DENND4A: variants seen among roughly 807,000 people sequenced by gnomAD.
The protein encoded by DENND4A is C-myc promoter-binding protein.
Under a neutral mutation model 199.3 loss-of-function variants are expected in DENND4A, and 70 were observed. That is an observed-to-expected ratio of 0.35 (90% CI 0.29 to 0.43). The LOEUF is 0.43. DENND4A is among the 20% of genes least tolerant of loss of function. DENND4A has a pLI of 1.00. For synonymous variants in DENND4A, 686 were observed against 766.9 expected (o/e 0.89, Z 1.74); for missense variants, 1,723 against 2,255.8 (o/e 0.76, Z 4.78).
At position 65,702,290 on chromosome 15, in the gene DENND4A, T is replaced by A; in HGVS notation, c.2430+15A>T. ...TCTCAAAAAAATAAAATAACAACAA[T>A]AAAATAATTGTTACCTCATCAGGTG... On this transcript the variant is annotated intron_variant, in intron 17 of 32. Coordinates refer to ENST00000443035, the MANE Select transcript of DENND4A (RefSeq NM_001320835.1). The A allele has an allele frequency of 6.5e-7, 1 of 1,543,710 alleles. No homozygotes were observed. The highest frequency in any genetic ancestry group is 8.8e-7 in the Non-Finnish European group (1 of 1,140,166).
At position 65,660,335 on chromosome 15, in the gene DENND4A, A is replaced by G. The variant is rs765918943; in HGVS notation, c.*1516T>C. ...GCTATTCACTAATGGTGTGAACTCA[A>G]AAGGTGGGTTTTCTGCAGCTGAACT... On this transcript the variant is annotated 3_prime_UTR_variant, in exon 33 of 33. Coordinates refer to ENST00000443035, the MANE Select transcript of DENND4A (RefSeq NM_001320835.1). The G allele has an allele frequency of 4.1e-5, 63 of 1,531,960 alleles. No individual in the cohort carries two copies. The highest frequency in any genetic ancestry group is 5.5e-5 in the Non-Finnish European group (63 of 1,143,968). The allele number at this position is 1,531,960 out of a possible 1,614,324, so 94.9% of individuals were successfully genotyped here. A position where few individuals can be genotyped will look rare whatever the true frequency, so the allele number is the denominator to read the frequency against.
chr15:65,712,726 TAA>T (rs34804757), intron 14 of DENND4A, among the ~76,000 whole-genome samples: 5 of 149,842 alleles, frequency 3.3e-5, no homozygotes, highest in Admixed American at 2.7e-4. Flanking sequence ...GCTGTTGTGT[TAA>T]AAAAAAAACT....
At chr15:65,773,817 A>G (rs900715843) in intron 1 of DENND4A, among the ~76,000 whole-genome samples, 4 of 152,048 alleles carry the variant, frequency 2.6e-5, no homozygotes, top group Non-Finnish European at 5.9e-5. Flanking sequence ...TTCTCATCTC[A>G]GTCACTTCAC....
rs1596476870 is a variant in DENND4A, at chr15:65,704,017, AT to A, written c.2088-1010del. On this transcript the variant is annotated intron_variant, in intron 15 of 32. Coordinates refer to ENST00000443035, the MANE Select transcript of DENND4A (RefSeq NM_001320835.1). ...ACTATAATAAAAGAGGGTAGACAAT[AT>A]TTTTTACACATTACTATAGTCAAAT... Among the ~76,000 whole-genome samples, 6 of 152,326 alleles carry A rather than the reference AT, an allele frequency of 3.9e-5. 1 individual carries two copies. The highest frequency in any genetic ancestry group is 2.4e-5 in the African/African-American group (1 of 41,574).
At position 65,668,299 on chromosome 15, in the gene DENND4A, C is replaced by T. The variant is rs577073107; in HGVS notation, c.4788-176G>A. 1.4e-3 allele frequency among the ~76,000 whole-genome samples: 207 copies of T among 151,850 alleles called. 1 individual carries two copies. The highest frequency in any genetic ancestry group is 2.2e-3 in the Non-Finnish European group (150 of 67,922). ...TCTCAGCTCACTGCAACTTCTGTCA[C>T]CTAGGCTCAAGCGATCCTCCCACCT... On this transcript the variant is annotated intron_variant, in intron 27 of 32. Coordinates refer to ENST00000443035, the MANE Select transcript of DENND4A (RefSeq NM_001320835.1).
chr15:65,722,665 A>G (rs1416257859), intron 12 of DENND4A, among the ~76,000 whole-genome samples, 183 bp downstream of exon 12: 5 of 152,242 alleles, frequency 3.3e-5, no homozygotes. Context: ...GAAAAAAAAA[A>G]AAATACACAT....
chr15:65,716,502 T>A (rs559755778), intron 13 of DENND4A, among the ~76,000 whole-genome samples: 1 of 150,694 alleles, frequency 6.6e-6, no homozygotes, highest in East Asian at 2.0e-4. Context: ...GGTGTTTGGT[T>A]TTTTGTCCTT....
intron 4 of DENND4A, among the ~76,000 whole-genome samples, chr15:65,747,957 T>C (rs1270797627): frequency 6.9e-6 from 1 of 144,914 alleles, no homozygotes; most frequent in Admixed American, 7.1e-5. Context: ...GGAGAATCAC[T>C]TGAACCCGGG....
chr15:65,733,842 A>C (rs2076031823), intron 7 of DENND4A, among the ~76,000 whole-genome samples: 1 of 152,236 alleles, frequency 6.6e-6, no homozygotes, highest in African/African-American at 2.4e-5. Flanking sequence ...AAATAGATTA[A>C]GGGTTGTGCA....
intron 23 of DENND4A, among the ~76,000 whole-genome samples, chr15:65,681,880 T>C (rs1026928526): frequency 3.3e-5 from 5 of 152,190 alleles, no homozygotes; most frequent in African/African-American, 1.2e-4. Flanking sequence ...TGCTTTTCTA[T>C]TGGAGCTCTT....
rs181001812 is a variant in DENND4A at position 65,733,172 on chromosome 15, G to A, written c.1041-354C>T. 1.7e-3 allele frequency among the ~76,000 whole-genome samples: 261 copies of A among 152,252 alleles called. 1 individual carries two copies. Among genetic ancestry groups the A allele is most frequent in the African/African-American group, 5.9e-3 (244 of 41,550 alleles). ...CAATATGCTTTTTAGTCAATTGCTT[G>A]TCTTATGTACAACAAACACTTAAGG... On this transcript the variant is annotated intron_variant, in intron 7 of 32. Transcript: ENST00000443035.
chr15:65,665,295 T>C (rs2075997306), intron 30 of DENND4A, 50 bp downstream of exon 30: 4 of 1,430,706 alleles, frequency 2.8e-6, no homozygotes, highest in Non-Finnish European at 2.9e-6. Flanking sequence ...TTAAAGCTAG[T>C]AGAGATTACT....
chr15:65,685,179 T>A (rs913105932), intron 23 of DENND4A, among the ~76,000 whole-genome samples: 3 of 151,256 alleles, frequency 2.0e-5, no homozygotes, highest in African/African-American at 7.3e-5. Context: ...TAGGCCAGAG[T>A]GCAGTGGCGC....
intron 7 of DENND4A, 132 bp downstream of exon 7, chr15:65,737,575 T>G: frequency 1.1e-6 from 1 of 908,738 alleles, no homozygotes; most frequent in Non-Finnish European, 1.6e-6. Context: ...ACTACCTGAC[T>G]GAAATAAACC....
At chr15:65,736,777 C>CA (rs1284199945) in intron 7 of DENND4A, among the ~76,000 whole-genome samples, 4 of 152,194 alleles carry the variant, frequency 2.6e-5, no homozygotes, top group African/African-American at 9.7e-5. Flanking sequence ...ACCAAAACAA[C>CA]TACTGCAACA....
chr15:65,755,436 C>T (rs974255815), intron 3 of DENND4A, among the ~76,000 whole-genome samples: 2 of 152,042 alleles, frequency 1.3e-5, no homozygotes, highest in Non-Finnish European at 2.9e-5. Context: ...TCTAATTTAC[C>T]CCAATATCCT....
rs542849220 is a variant in DENND4A at position 65,746,788 on chromosome 15, C to CT, written c.562-5005dup. On this transcript the variant is annotated intron_variant, in intron 4 of 32. Coordinates refer to ENST00000443035, the MANE Select transcript of DENND4A (RefSeq NM_001320835.1). ...TATTTAAAAAATACCCTTAAGGAGA[C>CT]TCAGCCAGGTGCAGTGGCTCACATC... Among the ~76,000 whole-genome samples, 373 of 151,670 alleles carry CT rather than the reference C, an allele frequency of 2.5e-3. 1 individual carries two copies. Among genetic ancestry groups the CT allele is most frequent in the African/African-American group, 8.7e-3 (359 of 41,390 alleles).
intron 14 of DENND4A, 102 bp from the exon 15 acceptor site, chr15:65,706,326 A>G (rs1596481785): frequency 7.0e-6 from 8 of 1,140,840 alleles, no homozygotes; most frequent in African/African-American, 6.4e-5. Context: ...AATGGATACT[A>G]AACAGCTATT....
At chr15:65,710,476 C>A (rs921044703) in intron 14 of DENND4A, among the ~76,000 whole-genome samples, 1 of 152,056 alleles carries the variant, frequency 6.6e-6, no homozygotes, top group African/African-American at 2.4e-5. Flanking sequence ...TGCCACTGTT[C>A]GTAAGGGAAG....
Sources: gnomAD v4.1 joint callset for allele counts (sites outside exome capture counted in the v4.1 genomes callset) on GRCh38, gnomAD v4.1.1 for gene constraint, MANE v1.5 for transcripts, NCBI Gene and HGNC (gene_info 2026-07-23, HGNC 2026-07-21) for gene names.